Variants in AP3D1 observed in about 807,000 individuals in gnomAD.
The protein encoded by AP3D1 is AP-3 complex subunit delta-1.
In AP3D1, 51 loss-of-function variants were observed where a neutral mutation model predicts 147.6. The ratio of observed to expected loss-of-function variants is 0.35; its 90% confidence interval spans 0.28 to 0.44. The LOEUF (loss-of-function observed/expected upper bound fraction) is 0.44. Ranked by LOEUF, AP3D1 falls within the 20% of genes least tolerant of loss-of-function variation. AP3D1 has a pLI of 1.00. For synonymous variants in AP3D1, 760 were observed against 663.0 expected (o/e 1.15, Z -2.25); for missense variants, 1,421 against 1,624.2 (o/e 0.87, Z 2.15).
chr19:2,117,137 G>C (rs1456359830), intron 16 of AP3D1, 85 bp downstream of exon 16: 2 of 1,475,380 alleles, frequency 1.4e-6, no homozygotes, highest in Non-Finnish European at 1.8e-6. Context: ...GCTGTTCAGG[G>C]GTGCAGGAGC....
intron 1 of AP3D1, among the ~76,000 whole-genome samples, chr19:2,144,836 G>A (rs1389729130): frequency 6.6e-6 from 1 of 152,114 alleles, no homozygotes; most frequent in East Asian, 1.9e-4. Flanking sequence ...CTGGGAGGAA[G>A]AGGCTGCAGT....
At chr19:2,130,683 ATCTTGGATGGCATGGAAGCCAGCCTCACT>A in intron 5 of AP3D1, 146 bp from the exon 6 acceptor site, 3 of 1,292,550 alleles carry the variant, frequency 2.3e-6, no homozygotes, top group Non-Finnish European at 3.2e-6. Flanking sequence ...ACAGACCAGC[ATCTTGGATGGCATGGAAGCCAGCCTCACT>A]GTGCCCCTGA....
intron 1 of AP3D1, among the ~76,000 whole-genome samples, chr19:2,158,922 C>G (rs139981461): frequency 1.3e-5 from 2 of 152,146 alleles, no homozygotes; most frequent in African/African-American, 2.4e-5. Context: ...CAGGAATGAA[C>G]AAGGACAGCT....
At chr19:2,138,415 G>A (rs1043977395) in intron 2 of AP3D1, among the ~76,000 whole-genome samples, 1 of 152,232 alleles carries the variant, frequency 6.6e-6, no homozygotes, top group East Asian at 1.9e-4. Flanking sequence ...AGGGCCTGTG[G>A]GTTGCCACCC....
chr19:2,130,520 G>C lies in AP3D1; in HGVS notation c.480C>G (p.Pro160=). Residue 160 remains proline, a synonymous_variant, in exon 6 of 32, where the codon CCC becomes CCG. Coordinates refer to ENST00000643116, the MANE Select transcript of AP3D1 (RefSeq NM_001261826.3). The part of the protein sequence containing the change: ...DIMTLMSHTK[P]YIRKKAVLIM... ...TCAGCACAGCCTTCTTCCTGATGTA[G>C]GGCTTGGTGTGTGACATCTGCGGGG... 1 of 1,614,024 alleles carries C rather than the reference G, an allele frequency of 6.2e-7. No individual in the cohort carries two copies. The highest frequency in any genetic ancestry group is 8.5e-7 in the Non-Finnish European group (1 of 1,179,960).
intron 1 of AP3D1, 111 bp downstream of exon 1, chr19:2,151,128 A>G (rs997675565): frequency 1.8e-6 from 2 of 1,081,304 alleles, no homozygotes; most frequent in Non-Finnish European, 1.3e-6. Flanking sequence ...GGGACCTCCA[A>G]CTAAGACAGA....
intron 1 of AP3D1, among the ~76,000 whole-genome samples, chr19:2,142,086 C>T (rs2019238100): frequency 1.3e-5 from 2 of 150,900 alleles, no homozygotes; most frequent in South Asian, 4.2e-4. Context: ...GGTGTGATCT[C>T]GGCTCACTGT....
intron 1 of AP3D1, among the ~76,000 whole-genome samples, chr19:2,162,702 A>G (rs933330475): frequency 1.3e-5 from 2 of 151,528 alleles, no homozygotes; most frequent in Non-Finnish European, 2.9e-5. Flanking sequence ...ACCCCAAAAA[A>G]CAGTACAAGG....
intron 9 of AP3D1, among the ~76,000 whole-genome samples, chr19:2,126,606 T>A (rs565335331): frequency 6.7e-6 from 1 of 149,060 alleles, no homozygotes; most frequent in African/African-American, 2.5e-5. Context: ...GTAAGCCAAG[T>A]TGCGCCACTG....
At chr19:2,102,306 T>C (rs1396501235) in intron 31 of AP3D1, 38 bp from the exon 32 acceptor site, 21 of 1,567,392 alleles carry the variant, frequency 1.3e-5, no homozygotes, top group Non-Finnish European at 1.8e-5. Flanking sequence ...TAAAAGTGTG[T>C]GCAGGGGCTA....
intron 29 of AP3D1, 172 bp downstream of exon 29, chr19:2,109,701 C>T (rs976498799): frequency 1.5e-6 from 1 of 645,346 alleles, no homozygotes; most frequent in South Asian, 1.8e-5. Context: ...CTACACGGCC[C>T]CGGCTGGCGC....
chr19:2,141,083 T>C (rs761394442), intron 1 of AP3D1, among the ~76,000 whole-genome samples: 6 of 152,082 alleles, frequency 3.9e-5, no homozygotes, highest in South Asian at 4.1e-4. Flanking sequence ...AATGTATTAG[T>C]TGGGGTAGGG....
chr19:2,119,586 C>T (rs1438888979), intron 14 of AP3D1, among the ~76,000 whole-genome samples: 1 of 150,636 alleles, frequency 6.6e-6, no homozygotes, highest in African/African-American at 2.4e-5. Context: ...GTCCCAGCTA[C>T]TTGCGAGGCT....
upstream of AP3D1, among the ~76,000 whole-genome samples, chr19:2,154,591 T>C (rs1183725565): frequency 2.0e-5 from 3 of 152,186 alleles, no homozygotes; most frequent in East Asian, 1.9e-4. Context: ...TTATAGGTTC[T>C]TTAGTCCTCA....
intron 1 of AP3D1, among the ~76,000 whole-genome samples, chr19:2,140,450 T>C (rs74482686): frequency 0.018 from 2,739 of 151,298 alleles, 34 homozygotes; most frequent in Middle Eastern, 0.049. Flanking sequence ...ACACACCATG[T>C]GGTGGGTCTG....
chr19:2,131,670 G>A (rs1171463607), intron 5 of AP3D1, among the ~76,000 whole-genome samples: 8 of 87,222 alleles, frequency 9.2e-5, no homozygotes, highest in South Asian at 3.3e-4. Context: ...GCAGCCACGC[G>A]GGGACTGCGC....
chr19:2,110,831 G>A lies in AP3D1; in HGVS notation c.3051C>T (p.Asn1017=). 6.2e-7 allele frequency: 1 copy of A among 1,613,686 alleles called. No homozygotes were observed. Among genetic ancestry groups the A allele is most frequent in the Non-Finnish European group, 8.5e-7 (1 of 1,179,992 alleles). ...SQVTVAIVLE[N]RSSSILKGME... ...TGCCCTTGAGGATGCTGCTGCTCCTGTTCTCCAGCACGATGGCCACAGTGA... is the reference window on the plus strand; with the variant it reads ...TGCCCTTGAGGATGCTGCTGCTCCTATTCTCCAGCACGATGGCCACAGTGA... The change falls in exon 27 of 32, where the codon AAC becomes AAT. Residue 1017 remains asparagine (N), a synonymous_variant. Transcript: ENST00000643116.
rs913381615 is a variant in AP3D1, at chr19:2,104,807, C to T, written c.3553-2539G>A. On this transcript the variant is annotated intron_variant, in intron 31 of 31. Transcript: ENST00000643116. ...CCAGCCTCCCAAGTAGCAGGGACTA[C>T]AGGCTCACTGTACTAATTTCTTAGT... is the stretch of plus-strand genomic sequence containing the variant. 7.9e-5 allele frequency among the ~76,000 whole-genome samples: 12 copies of T among 151,658 alleles called. No individual in the cohort carries two copies. In the Admixed American group the frequency reaches 7.9e-4, roughly 10 times the overall value.
At chr19:2,133,524 G>A (rs1429011436) in intron 4 of AP3D1, 1 of 139,674 alleles carries the variant, frequency 7.2e-6, no homozygotes, top group Non-Finnish European at 1.6e-5. Flanking sequence ...TTTTTTTTTT[G>A]AGACGAGTCT....
Sources: gnomAD v4.1 joint callset for allele counts (sites outside exome capture counted in the v4.1 genomes callset) on GRCh38, gnomAD v4.1.1 for gene constraint, MANE v1.5 for transcripts, NCBI Gene and HGNC (gene_info 2026-07-23, HGNC 2026-07-21) for gene names.